Variants in MET observed in about 807,000 individuals in gnomAD.
MET encodes hepatocyte growth factor receptor.
A neutral mutation model predicts 133.1 loss-of-function variants in MET; 48 were observed. That is an observed-to-expected ratio of 0.36 (90% CI 0.29 to 0.46). The LOEUF (loss-of-function observed/expected upper bound fraction) is 0.46. MET is among the 20% of genes least tolerant of loss of function. The pLI, the probability that MET is intolerant of heterozygous loss-of-function variation, is 1.00. For synonymous variants in MET, 628 were observed against 616.5 expected (o/e 1.02, Z -0.28); for missense variants, 1,442 against 1,695.9 (o/e 0.85, Z 2.63).
Position 116,758,486 on chromosome 7 carries a change from T to C in MET, c.2130T>C (p.Tyr710=), listed in dbSNP as rs775235138. ...KSVSNSILEC[Y]TPAQTISTEF... ...TGTCAAACAGTATTCTTGAATGTTA[T>C]ACCCCAGCCCAAACCATTTCAACTG... Residue 710 remains tyrosine (Y), a synonymous_variant, in exon 9 of 21, where the codon TAT becomes TAC. Coordinates refer to ENST00000397752, the MANE Select transcript of MET (RefSeq NM_000245.4). The C allele has an allele frequency of 1.9e-6, 3 of 1,613,740 alleles. No homozygotes were observed. In the Admixed American group the frequency reaches 5.0e-5, roughly 27 times the overall value.
In MET at chr7:116,688,548, A is replaced by G. The variant is rs1796658109; in HGVS notation, c.-14-10523A>G. On this transcript the variant is annotated intron_variant, in intron 1 of 20. Transcript: ENST00000397752. ...TGTCAATCAGGGCTCTGAGAGTTCA[A>G]TGTATTTTCTGAACAATATTTTTTA... Among the ~76,000 whole-genome samples, 3 of 152,346 alleles carry G rather than the reference A, an allele frequency of 2.0e-5. No individual in the cohort carries two copies. In the East Asian group the frequency reaches 5.8e-4, roughly 29 times the overall value.
At position 116,752,191 on chromosome 7, in the gene MET, G is replaced by A. The variant is rs73471110; in HGVS notation, c.1702-3164G>A. ...GTAGGCAGGCAGTATACTGCCACCA[G>A]TAAATATATTTGTGAGTTCTACTAA... On this transcript the variant is annotated intron_variant, in intron 5 of 20. Transcript: ENST00000397752. 4.1e-3 allele frequency among the ~76,000 whole-genome samples: 620 copies of A among 152,342 alleles called. 7 individuals carry two copies. The highest frequency in any genetic ancestry group is 0.014 in the African/African-American group (594 of 41,584).
intron 5 of MET, among the ~76,000 whole-genome samples, chr7:116,749,578 T>A (rs1793836227): frequency 6.6e-6 from 1 of 152,180 alleles, no homozygotes; most frequent in Non-Finnish European, 1.5e-5. Flanking sequence ...TCACCGCTCC[T>A]ATTCAACATA....
chr7:116,711,072 A>G (rs920057591), intron 2 of MET, among the ~76,000 whole-genome samples: 1 of 152,226 alleles, frequency 6.6e-6, no homozygotes, highest in African/African-American at 2.4e-5. Context: ...GTTCCAGTGA[A>G]TGGCTGGCCA....
At chr7:116,703,833 G>A (rs779284022) in intron 2 of MET, among the ~76,000 whole-genome samples, 18 of 152,092 alleles carry the variant, frequency 1.2e-4, no homozygotes, top group African/African-American at 3.6e-4. Flanking sequence ...AAGTGAAATC[G>A]TACATTTTAG....
intron 2 of MET, among the ~76,000 whole-genome samples, chr7:116,722,887 C>T (rs1418288016): frequency 2.7e-5 from 4 of 148,736 alleles, no homozygotes; most frequent in Admixed American, 6.7e-5. Flanking sequence ...GAGGGTAACC[C>T]GACCTTTCTC....
intron 4 of MET, among the ~76,000 whole-genome samples, chr7:116,740,429 A>G (rs1020767289): frequency 5.9e-5 from 9 of 152,228 alleles, no homozygotes; most frequent in Admixed American, 2.0e-4. Context: ...CCAACCAATA[A>G]TCCCTTTTCT....
At chr7:116,730,342 G>A (rs1313700078) in intron 2 of MET, among the ~76,000 whole-genome samples, 1 of 152,220 alleles carries the variant, frequency 6.6e-6, no homozygotes, top group Admixed American at 6.5e-5. Context: ...GGGGCCGGAT[G>A]ATGGGAAGGG....
chr7:116,730,779 A>G (rs1473283918), intron 2 of MET, among the ~76,000 whole-genome samples: 2 of 152,160 alleles, frequency 1.3e-5, no homozygotes, highest in African/African-American at 4.8e-5. Flanking sequence ...AAGGTCAGGC[A>G]GGAGGAAGAT....
rs368140353 is a variant in MET, at chr7:116,767,507, C to A, written c.2584-2138C>A. 2.0e-3 allele frequency among the ~76,000 whole-genome samples: 301 copies of A among 152,178 alleles called. 11 individuals are homozygous for A. The South Asian group carries it at 0.058, about 29-fold the overall frequency. On this transcript the variant is annotated intron_variant, in intron 11 of 20. Coordinates refer to ENST00000397752, the MANE Select transcript of MET (RefSeq NM_000245.4). The stretch of plus-strand genomic sequence containing the variant: ...ATTTGATTTGCTTCATGATCTAGCC[C>A]CTTTCTGGATAATAGTTCTCCATAT...
intron 19 of MET, among the ~76,000 whole-genome samples, chr7:116,789,901 T>G (rs1480415008): frequency 6.6e-6 from 1 of 152,232 alleles, no homozygotes; most frequent in Non-Finnish European, 1.5e-5. Flanking sequence ...GCTGCACCTA[T>G]CAACCCATCA....
intron 3 of MET, among the ~76,000 whole-genome samples, 183 bp downstream of exon 3, chr7:116,732,042 T>C (rs1415758134): frequency 1.3e-5 from 2 of 152,244 alleles, no homozygotes; most frequent in East Asian, 3.8e-4. Flanking sequence ...GTGGTCTCTT[T>C]TTATTAAGTT....
Position 116,699,228 on chromosome 7 carries a change from G to A in MET, c.144G>A (p.Ala48=), listed in dbSNP as rs11762213. The change falls in exon 2 of 21, where the codon GCG becomes GCA. Residue 48 remains alanine (A), a synonymous_variant. Coordinates refer to ENST00000397752, the MANE Select transcript of MET (RefSeq NM_000245.4). ...AGTATCAGCTTCCCAACTTCACCGC[G>A]GAAACACCCATCCAGAATGTCATTC... ...NMKYQLPNFT[A]ETPIQNVILH... The A allele has an allele frequency of 0.046, 73,654 of 1,613,846 alleles. 1,985 individuals carry two copies. Among genetic ancestry groups the A allele is most frequent in the Non-Finnish European group, 0.056 (65,658 of 1,179,886 alleles).
At chr7:116,732,810 C>G (rs1314244685) in intron 3 of MET, among the ~76,000 whole-genome samples, 2 of 152,252 alleles carry the variant, frequency 1.3e-5, no homozygotes, top group South Asian at 2.1e-4. Context: ...AATTACCACT[C>G]TCTTTATAGC....
chr7:116,758,739 G>C, intron 9 of MET, 119 bp downstream of exon 9: 1 of 1,006,732 alleles, frequency 9.9e-7, no homozygotes, highest in Non-Finnish European at 1.5e-6. Flanking sequence ...TGTTGCTTTT[G>C]AAGGCTTCTT....
intron 11 of MET, among the ~76,000 whole-genome samples, chr7:116,765,429 G>T (rs1369708675): frequency 6.6e-6 from 1 of 152,008 alleles, no homozygotes; most frequent in African/African-American, 2.4e-5. Context: ...AGTTCCTAGG[G>T]TGAAAAGAGA....
intron 19 of MET, among the ~76,000 whole-genome samples, chr7:116,792,363 C>G (rs1040707623): frequency 6.6e-6 from 1 of 151,966 alleles, no homozygotes; most frequent in Non-Finnish European, 1.5e-5. Flanking sequence ...GATGATAGCG[C>G]TCTCATGGCT....
chr7:116,767,258 G>T (rs1206014127), intron 11 of MET, among the ~76,000 whole-genome samples: 1 of 152,214 alleles, frequency 6.6e-6, no homozygotes, highest in Non-Finnish European at 1.5e-5. Flanking sequence ...GTCCCCGGGT[G>T]TGAATACTCA....
chr7:116,755,045 G>GAAAGA (rs1562920030), intron 5 of MET, among the ~76,000 whole-genome samples: 76 of 144,424 alleles, frequency 5.3e-4, no homozygotes, highest in Admixed American at 2.0e-3. Context: ...AGAAAGAAAA[G>GAAAGA]AAAGAAAGAA....
Sources: gnomAD v4.1 joint callset for allele counts (sites outside exome capture counted in the v4.1 genomes callset) on GRCh38, gnomAD v4.1.1 for gene constraint, MANE v1.5 for transcripts, NCBI Gene and HGNC (gene_info 2026-07-23, HGNC 2026-07-21) for gene names.